The following DNAI2 variants were observed in gnomAD, a reference collection of about 807,000 sequenced individuals.
DNAI2 encodes the protein dynein, axonemal, intermediate polypeptide 2.
Under a neutral mutation model 74.7 loss-of-function variants are expected in DNAI2, and 63 were observed. The observed-to-expected ratio is 0.84, with a 90% CI of 0.69 to 1.04. The LOEUF is 1.04. Among genes scored for constraint, DNAI2 ranks in the 50% least tolerant of loss-of-function variants. DNAI2 has a pLI of 0.00. For missense variants in DNAI2, 688 were observed against 803.2 expected (o/e 0.86, Z 1.73); for synonymous variants, 289 against 314.9 (o/e 0.92, Z 0.87).
intron 1 of DNAI2, among the ~76,000 whole-genome samples, chr17:74,280,191 G>A (rs1192892462): frequency 6.6e-6 from 1 of 152,220 alleles, no homozygotes; most frequent in Non-Finnish European, 1.5e-5. Context: ...TGTGGGAATG[G>A]CCCAGCCCAT....
chr17:74,277,496 T>A (rs1184523840), intron 1 of DNAI2, among the ~76,000 whole-genome samples: 1 of 152,152 alleles, frequency 6.6e-6, no homozygotes, highest in Admixed American at 6.5e-5. Flanking sequence ...GGTGGTACTG[T>A]CTTCAAGACA....
intron 1 of DNAI2, among the ~76,000 whole-genome samples, chr17:74,278,072 G>A (rs776420686): frequency 1.4e-4 from 22 of 152,202 alleles, no homozygotes; most frequent in Middle Eastern, 3.2e-3. Context: ...GACATGCCTG[G>A]TGGTTCTGCC....
At chr17:74,301,286 A>G (rs2052746022) in intron 8 of DNAI2, 118 bp downstream of exon 8, 2 of 1,461,178 alleles carry the variant, frequency 1.4e-6, no homozygotes, top group Admixed American at 1.7e-5. Flanking sequence ...CAGGGAGGCC[A>G]CCCTCACTGC....
At chr17:74,287,346 G>C (rs1030628048) in intron 4 of DNAI2, among the ~76,000 whole-genome samples, 1 of 152,236 alleles carries the variant, frequency 6.6e-6, no homozygotes, top group Non-Finnish European at 1.5e-5. Flanking sequence ...TACAGGTGGG[G>C]CATGTTCCTG....
At position 74,312,179 on chromosome 17, in the gene DNAI2, C is replaced by A; in HGVS notation, c.1671C>A (p.Phe557Leu). Reference sequence around the variant, plus strand: ...AGGAGGAGTTCTTCGACATCATCTTCGCAGAGCTGAAGAAGAAGGAGGCAG... The same window carrying A: ...AGGAGGAGTTCTTCGACATCATCTTAGCAGAGCTGAAGAAGAAGGAGGCAG... ...KAEEEFFDII[F>L]AELKKKEADA... is the part of the protein sequence containing the mutation. Residue 557 changes from phenylalanine to leucine, a missense_variant, in exon 12 of 14, where the codon TTC becomes TTA. By Grantham distance (22) the Phe-to-Leu change is conservative. Coordinates refer to ENST00000311014, the MANE Select transcript of DNAI2 (RefSeq NM_023036.6). The A allele has an allele frequency of 6.2e-7, 1 of 1,608,628 alleles. No homozygotes were observed. Among genetic ancestry groups the A allele is most frequent in the African/African-American group, 1.3e-5 (1 of 74,700 alleles).
rs1163686291 is a variant in DNAI2, at chr17:74,300,725, C to T, written c.865-321C>T. Among the ~76,000 whole-genome samples, 2 of 152,134 alleles carry T rather than the reference C, an allele frequency of 1.3e-5. No homozygotes were observed. Among genetic ancestry groups the T allele is most frequent in the African/African-American group, 4.8e-5 (2 of 41,416 alleles). ...AGCACACATGCATTTTTAACATTGCCGGATATTGCCTTATTGTGGGGAGTC... is the reference window on the plus strand; with the variant it reads ...AGCACACATGCATTTTTAACATTGCTGGATATTGCCTTATTGTGGGGAGTC... On this transcript the variant is annotated intron_variant, in intron 7 of 13. Coordinates refer to ENST00000311014, the MANE Select transcript of DNAI2 (RefSeq NM_023036.6). The surrounding 1 kb of genome is among the most constrained non-coding windows in gnomAD (Gnocchi z 4.5).
chr17:74,286,304 A>AATAATAATC (rs1325117350), intron 3 of DNAI2, among the ~76,000 whole-genome samples: 10 of 70,568 alleles, frequency 1.4e-4, no homozygotes, highest in Admixed American at 1.0e-3. Flanking sequence ...TCAAAATAAT[A>AATAATAATC]ATAATAATAA....
At chr17:74,281,417 C>G (rs2051380993) in intron 1 of DNAI2, 3 of 416,376 alleles carry the variant, frequency 7.2e-6, no homozygotes, top group Non-Finnish European at 1.3e-5. Context: ...CACCACCATG[C>G]CCGGCTAATT....
chr17:74,310,542 T>C lies in DNAI2; in HGVS notation c.1494+379T>C, dbSNP rs144972572. Among the ~76,000 whole-genome samples the C allele has an allele frequency of 2.9e-3, 435 of 151,794 alleles. 8 individuals are homozygous for C. The East Asian group carries it at 0.036, about 13-fold the overall frequency. On this transcript the variant is annotated intron_variant, in intron 11 of 13. Transcript: ENST00000311014. ...GTATTTTAATTTAATTATTTTTATT[T>C]ATTTATTTATTTTTGAGACAAAGTC...
chr17:74,287,180 C>T (rs1462624553), intron 4 of DNAI2, 82 bp downstream of exon 4: 6 of 1,567,396 alleles, frequency 3.8e-6, no homozygotes, highest in Middle Eastern at 1.9e-4. Context: ...TCCTTGCCAT[C>T]GCTGCATGCC....
chr17:74,301,984 A>AAT, intron 8 of DNAI2, among the ~76,000 whole-genome samples: 1 of 44,694 alleles, frequency 2.2e-5, no homozygotes. Context: ...GGAAGGAAGG[A>AAT]AGGAAGGAAG....
chr17:74,291,803 T>C (rs2143958696), intron 6 of DNAI2, among the ~76,000 whole-genome samples: 2 of 152,240 alleles, frequency 1.3e-5, no homozygotes, highest in Admixed American at 1.3e-4. Context: ...ATATGGGTAA[T>C]ACTGGCCTTA....
intron 1 of DNAI2, among the ~76,000 whole-genome samples, chr17:74,280,908 G>A (rs11870186): frequency 0.29 from 43,253 of 151,364 alleles, 7,732 homozygotes; most frequent in East Asian, 0.78. Context: ...GTAAAATGGC[G>A]AGACCCCATC....
chr17:74,311,215 G>A (rs1463706648), intron 11 of DNAI2, among the ~76,000 whole-genome samples: 1 of 152,190 alleles, frequency 6.6e-6, no homozygotes, highest in East Asian at 1.9e-4. Context: ...CAGATAGAAG[G>A]GGACTTGAAG....
chr17:74,291,164 A>T, intron 6 of DNAI2, 31 bp downstream of exon 6: 1 of 1,527,326 alleles, frequency 6.5e-7, no homozygotes, highest in East Asian at 2.3e-5. Flanking sequence ...TTTTATTTTT[A>T]TTTTTATTTT....
At chr17:74,310,229 G>C in intron 11 of DNAI2, 66 bp downstream of exon 11, 1 of 1,572,080 alleles carries the variant, frequency 6.4e-7, no homozygotes, top group East Asian at 2.3e-5. Context: ...AGCAGAGCAG[G>C]CTAGTCAGAC....
At chr17:74,311,287 C>A (rs900199786) in intron 11 of DNAI2, among the ~76,000 whole-genome samples, 3 of 152,218 alleles carry the variant, frequency 2.0e-5, no homozygotes, top group African/African-American at 7.2e-5. Flanking sequence ...GGCAACCCCC[C>A]AGAACCATGG....
chr17:74,290,593 C>A (rs1254223620), intron 5 of DNAI2, among the ~76,000 whole-genome samples: 1 of 152,132 alleles, frequency 6.6e-6, no homozygotes, highest in African/African-American at 2.4e-5. Context: ...AGCTAACGCC[C>A]GACATTCCAA....
At chr17:74,289,520 CAA>C (rs35159044) in intron 4 of DNAI2, 72 bp from the exon 5 acceptor site, 57,215 of 1,385,730 alleles carry the variant, frequency 0.041, no homozygotes, top group Non-Finnish European at 0.045. Context: ...CTCCATCTGA[CAA>C]AAAAAAAAAA....
Sources: gnomAD v4.1 joint callset for allele counts (sites outside exome capture counted in the v4.1 genomes callset) on GRCh38, gnomAD v4.1.1 for gene constraint, Gnocchi (gnomAD v3.1) non-coding constraint, MANE v1.5 for transcripts, NCBI Gene and HGNC (gene_info 2026-07-23, HGNC 2026-07-21) for gene names.